Variants in SLC8A3 observed in about 807,000 individuals in gnomAD.
SLC8A3 encodes sodium/calcium exchanger 3.
A neutral mutation model predicts 65.4 loss-of-function variants in SLC8A3; 37 were observed. The ratio of observed to expected loss-of-function variants is 0.57; its 90% CI spans 0.44 to 0.74. The LOEUF is 0.74. SLC8A3 is among the 30% of genes least tolerant of loss of function. The probability of loss-of-function intolerance (pLI) is 0.00; values close to 1 mark genes in which losing one functional copy is unlikely to be tolerated. For missense variants in SLC8A3, 1,112 were observed against 1,172.1 expected (o/e 0.95, Z 0.75); for synonymous variants, 461 against 444.5 (o/e 1.04, Z -0.47).
intron 2 of SLC8A3, among the ~76,000 whole-genome samples, chr14:70,111,895 G>A (rs1048820058): frequency 1.1e-4 from 17 of 152,202 alleles, no homozygotes; most frequent in African/African-American, 3.9e-4. Context: ...AGGGGCCAGG[G>A]CACAAAGGCT....
In SLC8A3 at chr14:70,181,499, T is replaced by C. The variant is rs538729703; in HGVS notation, c.-63+6880A>G. Among the ~76,000 whole-genome samples, 12 of 146,460 alleles carry C rather than the reference T, an allele frequency of 8.2e-5. 1 individual carries two copies. In the South Asian group the frequency reaches 2.6e-3, roughly 31 times the overall value. ...AAAAAAAAGTGCATTTCAGAAAGTG[T>C]AAAGGGCTAATGAAAAACAGATGTC... On this transcript the variant is annotated intron_variant, in intron 1 of 6. Transcript: ENST00000356921.
chr14:70,187,897 G>A (rs575722943), intron 1 of SLC8A3, among the ~76,000 whole-genome samples: 36 of 152,194 alleles, frequency 2.4e-4, no homozygotes, highest in Non-Finnish European at 4.3e-4. Flanking sequence ...AGTGGATAAC[G>A]CGCTTCCCTG....
intron 2 of SLC8A3, among the ~76,000 whole-genome samples, chr14:70,069,901 T>G (rs1889851576): frequency 1.3e-5 from 2 of 152,198 alleles, no homozygotes; most frequent in Non-Finnish European, 2.9e-5. Context: ...GGGTGGGGCC[T>G]GAGAGCCTGC....
intron 5 of SLC8A3, among the ~76,000 whole-genome samples, chr14:70,050,143 G>A (rs1457004313): frequency 6.6e-6 from 1 of 152,156 alleles, no homozygotes. Flanking sequence ...TTTGTAAAAG[G>A]AGCAGGGTAG....
At chr14:70,172,409 T>A (rs1897602883) in intron 1 of SLC8A3, among the ~76,000 whole-genome samples, 1 of 152,168 alleles carries the variant, frequency 6.6e-6, no homozygotes, top group African/African-American at 2.4e-5. Flanking sequence ...AACCACCCTA[T>A]TTTACTAAGC....
At chr14:70,091,787 C>G (rs1891821776) in intron 2 of SLC8A3, among the ~76,000 whole-genome samples, 1 of 152,164 alleles carries the variant, frequency 6.6e-6, no homozygotes, top group South Asian at 2.1e-4. Flanking sequence ...GCAGGATATG[C>G]CAGCCTGATA....
intron 2 of SLC8A3, among the ~76,000 whole-genome samples, chr14:70,129,031 T>C (rs556086709): frequency 1.3e-5 from 2 of 152,272 alleles, no homozygotes; most frequent in South Asian, 2.1e-4. Context: ...TGGGTCTAAA[T>C]CCCAACACAT....
intron 3 of SLC8A3, among the ~76,000 whole-genome samples, chr14:70,059,598 A>C (rs1888544473): frequency 6.6e-6 from 1 of 152,188 alleles, no homozygotes; most frequent in African/African-American, 2.4e-5. Context: ...CCCTGGTTGC[A>C]ACATAATCAG....
chr14:70,167,868 A>G lies in SLC8A3; in HGVS notation c.555T>C (p.Cys185=). ...AFNMFIIIGI[C]VYVIPDGETR... Reference sequence around the variant, plus strand: ...TCTCTCCGTCTGGGATCACGTAGACACAGATGCCAATGATGATGAACATGT... The same window carrying G: ...TCTCTCCGTCTGGGATCACGTAGACGCAGATGCCAATGATGATGAACATGT... Residue 185 remains cysteine (C), a synonymous_variant, in exon 2 of 7, where the codon TGT becomes TGC. Coordinates refer to ENST00000356921, the MANE Select transcript of SLC8A3 (RefSeq NM_182932.3). The G allele has an allele frequency of 4.3e-6, 7 of 1,614,208 alleles. No homozygotes were observed. In the South Asian group the frequency reaches 7.7e-5, roughly 18 times the overall value.
At chr14:70,085,437 T>C (rs1037082788) in intron 2 of SLC8A3, among the ~76,000 whole-genome samples, 1 of 152,170 alleles carries the variant, frequency 6.6e-6, no homozygotes, top group Non-Finnish European at 1.5e-5. Context: ...TGGATAGCAA[T>C]GTTTGCAGTT....
At chr14:70,157,533 C>T (rs1352719753) in intron 2 of SLC8A3, among the ~76,000 whole-genome samples, 1 of 152,138 alleles carries the variant, frequency 6.6e-6, no homozygotes, top group Non-Finnish European at 1.5e-5. Context: ...TGGGTAGGAA[C>T]AGAAAGCATA....
chr14:70,057,304 A>AGAT (rs1369329008), intron 3 of SLC8A3, among the ~76,000 whole-genome samples: 1 of 151,332 alleles, frequency 6.6e-6, no homozygotes, highest in Admixed American at 6.6e-5. Context: ...GTAGATAGAT[A>AGAT]GATAGATAGA....
At chr14:70,064,974 C>G (rs1889254007) in intron 2 of SLC8A3, among the ~76,000 whole-genome samples, 1 of 152,102 alleles carries the variant, frequency 6.6e-6, no homozygotes, top group South Asian at 2.1e-4. Context: ...GTTTAGACCT[C>G]TCCCGGTGGG....
intron 2 of SLC8A3, among the ~76,000 whole-genome samples, chr14:70,115,184 C>A (rs941444470): frequency 1.3e-5 from 2 of 152,146 alleles, no homozygotes; most frequent in East Asian, 1.9e-4. Flanking sequence ...GGGAAGATGG[C>A]GGCTGAGTCA....
In SLC8A3 at chr14:70,166,777, T is replaced by C; in HGVS notation, c.1646A>G (p.Glu549Gly). 1 of 1,614,000 alleles carries C rather than the reference T, an allele frequency of 6.2e-7. No individual in the cohort carries two copies. Among genetic ancestry groups the C allele is most frequent in the Non-Finnish European group, 8.5e-7 (1 of 1,179,906 alleles). The stretch of plus-strand genomic sequence containing the variant: ...ACCTGATGTCCGCAGAACCTTGACC[T>C]CCATAACACCAATACTCTCACTGAC... ...IHVSESIGVM[E>G]VKVLRTSGAR... Residue 549 changes from glutamate (E) to glycine (G), a missense_variant, in exon 2 of 7, where the codon GAG becomes GGG. Physicochemically the swap from Glu to Gly is moderately conservative, Grantham distance 98 (BLOSUM62 -2). Transcript: ENST00000356921.
chr14:70,165,055 G>A (rs929466020), intron 2 of SLC8A3, among the ~76,000 whole-genome samples: 4 of 152,058 alleles, frequency 2.6e-5, no homozygotes, highest in South Asian at 4.1e-4. Flanking sequence ...TGGCAAGTGC[G>A]AATATGACCT....
At chr14:70,079,355 C>G (rs1226426942) in intron 2 of SLC8A3, among the ~76,000 whole-genome samples, 1 of 130,076 alleles carries the variant, frequency 7.7e-6, no homozygotes, top group Non-Finnish European at 1.6e-5. Flanking sequence ...AAAAAAAAAT[C>G]AGCCAGGCGT....
At chr14:70,113,003 A>ATTGTATTGAGGTTCTGGGTGGACTTGAAC (rs1893411497) in intron 2 of SLC8A3, among the ~76,000 whole-genome samples, 1 of 146,338 alleles carries the variant, frequency 6.8e-6, no homozygotes, top group South Asian at 2.3e-4. Flanking sequence ...TCTAAATAAA[A>ATTGTATTGAGGTTCTGGGTGGACTTGAAC]TTGTATTCTG....
intron 3 of SLC8A3, 93 bp downstream of exon 3, chr14:70,060,743 T>C (rs757722195): frequency 2.5e-6 from 2 of 815,174 alleles, no homozygotes; most frequent in South Asian, 2.7e-5. Context: ...GAGACAAAAA[T>C]ATAGCTGCTT....
Sources: allele counts gnomAD v4.1 joint callset (sites outside exome capture counted in the v4.1 genomes callset), GRCh38; gene constraint gnomAD v4.1.1; transcripts MANE v1.5; gene names NCBI Gene and HGNC (gene_info 2026-07-23, HGNC 2026-07-21).